The following DSCAM variants were observed in gnomAD, a reference collection of about 807,000 sequenced individuals.
DSCAM encodes cell adhesion molecule DSCAM.
DSCAM carries 47 observed loss-of-function variants against 217.7 expected under a neutral mutation model. The ratio of observed to expected loss-of-function variants is 0.22; its 90% CI spans 0.17 to 0.28. The LOEUF is 0.28. Ranked by LOEUF, DSCAM falls within the 10% of genes least tolerant of loss-of-function variation. The pLI, the probability that DSCAM is intolerant of heterozygous loss-of-function variation, is 1.00. For synonymous variants in DSCAM, 1,056 were observed against 1,015.3 expected (o/e 1.04, Z -0.76); for missense variants, 2,080 against 2,618.3 (o/e 0.79, Z 4.49).
At chr21:40,437,913 G>A (rs538507720) in intron 3 of DSCAM, among the ~76,000 whole-genome samples, 2 of 152,236 alleles carry the variant, frequency 1.3e-5, no homozygotes, top group African/African-American at 4.8e-5. Context: ...AGGCCCTTGA[G>A]GCCAAGCTCT....
chr21:40,553,003 C>T (rs929416077), intron 3 of DSCAM, among the ~76,000 whole-genome samples: 5 of 152,160 alleles, frequency 3.3e-5, no homozygotes, highest in Non-Finnish European at 5.9e-5. Context: ...AAATCCAACC[C>T]GGAAATTGAA....
chr21:40,746,523 C>A (rs960467205), intron 1 of DSCAM, among the ~76,000 whole-genome samples: 2 of 151,536 alleles, frequency 1.3e-5, no homozygotes, highest in Admixed American at 6.6e-5. Flanking sequence ...ATGTATGCAC[C>A]CAAAACTGGG....
chr21:40,386,345 G>C (rs1245796226), intron 3 of DSCAM, among the ~76,000 whole-genome samples: 2 of 152,230 alleles, frequency 1.3e-5, no homozygotes, highest in Non-Finnish European at 2.9e-5. Flanking sequence ...AGCTTTAGTT[G>C]AGGGCAGTTG....
At chr21:40,510,205 G>A (rs1005473257) in intron 3 of DSCAM, among the ~76,000 whole-genome samples, 12 of 152,020 alleles carry the variant, frequency 7.9e-5, no homozygotes, top group Admixed American at 2.6e-4. Context: ...TCACTAATGA[G>A]TATAGCCAGG....
intron 18 of DSCAM, 122 bp downstream of exon 18, chr21:40,142,436 T>A: frequency 9.7e-7 from 1 of 1,031,000 alleles, no homozygotes. Context: ...AAGGGGAAAG[T>A]GTCTATTGAT....
chr21:40,668,532 C>T (rs145701881), intron 3 of DSCAM, among the ~76,000 whole-genome samples: 4 of 152,292 alleles, frequency 2.6e-5, no homozygotes, highest in African/African-American at 9.6e-5. Flanking sequence ...TTGTCACTGA[C>T]AATACCAGCC....
At chr21:40,204,135 T>C (rs1402415532) in intron 11 of DSCAM, among the ~76,000 whole-genome samples, 1 of 152,162 alleles carries the variant, frequency 6.6e-6, no homozygotes, top group Non-Finnish European at 1.5e-5. Context: ...AAGAATAGGG[T>C]TCCCAGTGGT....
intron 3 of DSCAM, among the ~76,000 whole-genome samples, chr21:40,429,042 A>C (rs373913359): frequency 5.8e-4 from 89 of 152,244 alleles, no homozygotes; most frequent in African/African-American, 2.0e-3. Context: ...CTTGCTAGGC[A>C]AGGGAGATGA....
At chr21:40,531,722 G>C (rs766268152) in intron 3 of DSCAM, among the ~76,000 whole-genome samples, 3 of 152,210 alleles carry the variant, frequency 2.0e-5, no homozygotes, top group Non-Finnish European at 4.4e-5. Context: ...CACATTCCCT[G>C]CCATCAAAAC....
intron 1 of DSCAM, among the ~76,000 whole-genome samples, chr21:40,725,218 T>C (rs1003736923): frequency 8.5e-5 from 13 of 152,230 alleles, no homozygotes; most frequent in Non-Finnish European, 1.5e-5. Flanking sequence ...TCTTCCCCTT[T>C]GTCCTTAGAG....
intron 1 of DSCAM, among the ~76,000 whole-genome samples, chr21:40,764,256 C>T (rs1370122104): frequency 1.3e-5 from 2 of 149,088 alleles, no homozygotes; most frequent in East Asian, 4.0e-4. Flanking sequence ...AAGAAAAAAA[C>T]AAACAACTCC....
chr21:40,378,391 T>C (rs1259727960), intron 3 of DSCAM, among the ~76,000 whole-genome samples: 1 of 152,068 alleles, frequency 6.6e-6, no homozygotes. Context: ...GTGAAGCCTT[T>C]TGATTTTTGA....
chr21:40,601,311 A>G (rs780379220), intron 3 of DSCAM, among the ~76,000 whole-genome samples: 11 of 152,260 alleles, frequency 7.2e-5, no homozygotes, highest in Non-Finnish European at 1.5e-4. Flanking sequence ...TCAAATTCCA[A>G]TTGTTTATTG....
chr21:40,732,070 T>C (rs2091018327), intron 1 of DSCAM, among the ~76,000 whole-genome samples: 1 of 152,148 alleles, frequency 6.6e-6, no homozygotes, highest in South Asian at 2.1e-4. Context: ...TACAATCACC[T>C]TCTGAGGTCA....
intron 1 of DSCAM, among the ~76,000 whole-genome samples, chr21:40,746,071 G>T: frequency 6.6e-6 from 1 of 151,238 alleles, no homozygotes; most frequent in Non-Finnish European, 1.5e-5. Context: ...AAAATAATGA[G>T]CATGAAATCA....
intron 3 of DSCAM, among the ~76,000 whole-genome samples, chr21:40,514,798 A>T (rs2076287105): frequency 6.6e-6 from 1 of 152,208 alleles, no homozygotes; most frequent in Admixed American, 6.5e-5. Context: ...CCATCAACGG[A>T]GCTTATCAAA....
intron 3 of DSCAM, among the ~76,000 whole-genome samples, chr21:40,641,102 T>C (rs988751339): frequency 6.6e-6 from 1 of 152,236 alleles, no homozygotes; most frequent in African/African-American, 2.4e-5. Flanking sequence ...AGGAGAACGA[T>C]GCTGCATGGA....
intron 11 of DSCAM, 94 bp from the exon 12 acceptor site, chr21:40,189,332 T>C: frequency 2.0e-6 from 2 of 1,004,160 alleles, no homozygotes; most frequent in Non-Finnish European, 2.8e-6. Flanking sequence ...TCAAGAGATA[T>C]TTCTTCAAAA....
chr21:40,150,081 T>C (rs1009250083), intron 16 of DSCAM, among the ~76,000 whole-genome samples: 1 of 152,240 alleles, frequency 6.6e-6, no homozygotes, highest in African/African-American at 2.4e-5. Context: ...TTTATGTATA[T>C]TATTTCATTT....
Sources: gnomAD v4.1 joint callset for allele counts (sites outside exome capture counted in the v4.1 genomes callset) on GRCh38, gnomAD v4.1.1 for gene constraint, MANE v1.5 for transcripts, NCBI Gene and HGNC (gene_info 2026-07-23, HGNC 2026-07-21) for gene names.